Variants in LAMB4 observed in about 807,000 individuals in gnomAD.
LAMB4 encodes laminin subunit beta-4.
LAMB4 carries 196 observed loss-of-function variants against 199.2 expected under a neutral mutation model. The observed-to-expected ratio is 0.98, with a 90% CI of 0.88 to 1.11. The LOEUF is 1.11. LAMB4 is among the 50% of genes least tolerant of loss of function. The pLI, the probability that LAMB4 is intolerant of heterozygous loss-of-function variation, is 0.00. For synonymous variants in LAMB4, 744 were observed against 770.6 expected (o/e 0.97, Z 0.57); for missense variants, 2,080 against 2,171.2 (o/e 0.96, Z 0.83).
intron 2 of LAMB4, among the ~76,000 whole-genome samples, 199 bp downstream of exon 2, chr7:108,122,932 T>C (rs551398672): frequency 2.0e-5 from 3 of 152,336 alleles, no homozygotes; most frequent in South Asian, 2.1e-4. Flanking sequence ...TAAAAAGTGA[T>C]AGAAATAGCT....
In LAMB4 at chr7:108,106,009, C is replaced by T; in HGVS notation, c.678G>A (p.Leu226=). ...TGTGGAGCTTGGTAAAGTTTATCCT[C>T]AGGTTTGTCAATGTCACAAGGTCTA... The part of the protein sequence containing the change: ...YIQDLVTLTN[L]RINFTKLHTL... Residue 226 remains leucine (L), a synonymous_variant, in exon 8 of 34, where the codon CTG becomes CTA. Transcript: ENST00000388781. 2 of 1,613,868 alleles carry T rather than the reference C, an allele frequency of 1.2e-6. No individual in the cohort carries two copies. Among genetic ancestry groups the T allele is most frequent in the African/African-American group, 1.3e-5 (1 of 75,020 alleles).
intron 28 of LAMB4, among the ~76,000 whole-genome samples, chr7:108,046,306 G>A (rs926294437): frequency 2.0e-5 from 3 of 150,774 alleles, no homozygotes; most frequent in African/African-American, 2.4e-5. Context: ...GGCCAGGCTG[G>A]TCTCGAACTC....
chr7:108,068,107 T>TC lies in LAMB4; in HGVS notation c.2354dup (p.Gly786ArgfsTer6). Reference sequence around the variant, plus strand: ...CAAGAGGTTTACACTGGCACTGGCCTCCAAGTCGGCTGCAGCTGGATCCGA... The same window carrying TC: ...CAAGAGGTTTACACTGGCACTGGCCTCCCAAGTCGGCTGCAGCTGGATCCGA... On this transcript the variant is annotated frameshift_variant, in exon 19 of 34. Coordinates refer to ENST00000388781, the MANE Select transcript of LAMB4 (RefSeq NM_007356.3). LOFTEE classifies it high-confidence loss of function. 1 of 1,614,148 alleles carries TC rather than the reference T, an allele frequency of 6.2e-7. No individual in the cohort carries two copies.
intron 4 of LAMB4, among the ~76,000 whole-genome samples, 158 bp from the exon 5 acceptor site, chr7:108,109,402 T>C (rs1407331538): frequency 1.3e-5 from 2 of 152,196 alleles, no homozygotes; most frequent in African/African-American, 4.8e-5. Flanking sequence ...CCCATGCCAC[T>C]CCAAGCCCAG....
chr7:108,031,369 G>GAAAAAAAAAAAAAAAAAAAAAGAAAAA (rs371230419), intron 31 of LAMB4, among the ~76,000 whole-genome samples: 1 of 81,164 alleles, frequency 1.2e-5, no homozygotes, highest in African/African-American at 4.7e-5. Flanking sequence ...AAAAGGAAAA[G>GAAAAAAAAAAAAAAAAAAAAAGAAAAA]AAAAAAAAAA....
chr7:108,015,103 T>C, the LAMB4 span, among the ~76,000 whole-genome samples: 1 of 152,196 alleles, frequency 6.6e-6, no homozygotes, highest in African/African-American at 2.4e-5. Context: ...TTCTTTACAC[T>C]GATCTGTAAA....
chr7:108,054,085 C>T (rs1306265430), intron 25 of LAMB4, among the ~76,000 whole-genome samples: 1 of 152,134 alleles, frequency 6.6e-6, no homozygotes, highest in Non-Finnish European at 1.5e-5. Context: ...TGCAGTGGCA[C>T]AATCATAGTT....
chr7:108,046,106 C>T (rs1185293021), intron 28 of LAMB4, among the ~76,000 whole-genome samples: 5 of 151,768 alleles, frequency 3.3e-5, no homozygotes, highest in Non-Finnish European at 5.9e-5. Flanking sequence ...TCACTGTTGT[C>T]GGTGCAGGCT....
intron 4 of LAMB4, among the ~76,000 whole-genome samples, chr7:108,109,968 ATTTG>A (rs1192308569): frequency 5.3e-5 from 8 of 152,212 alleles, no homozygotes; most frequent in African/African-American, 1.9e-4. Flanking sequence ...AAACAGGTAA[ATTTG>A]TTTGTAATAA....
At chr7:108,062,134 T>C (rs1204549918) in intron 23 of LAMB4, among the ~76,000 whole-genome samples, 3 of 152,158 alleles carry the variant, frequency 2.0e-5, no homozygotes, top group Non-Finnish European at 4.4e-5. Context: ...TATTAACAAA[T>C]AGTTTTTTTC....
chr7:108,017,903 A>G, the LAMB4 span, among the ~76,000 whole-genome samples: 9 of 152,334 alleles, frequency 5.9e-5, no homozygotes, highest in East Asian at 1.5e-3. Flanking sequence ...ATTTATTAGC[A>G]TTTTACAGCT....
intron 9 of LAMB4, 56 bp from the exon 10 acceptor site, chr7:108,103,288 AGT>A: frequency 7.0e-7 from 1 of 1,431,706 alleles, no homozygotes; most frequent in Non-Finnish European, 9.4e-7. Flanking sequence ...TGGCACAGCC[AGT>A]GCCCCCGCAC....
At chr7:108,106,929 G>T (rs2038040182) in intron 6 of LAMB4, among the ~76,000 whole-genome samples, 1 of 152,132 alleles carries the variant, frequency 6.6e-6, no homozygotes, top group Admixed American at 6.5e-5. Context: ...TTGCTTCCCA[G>T]CTGGCATAGA....
chr7:108,084,913 T>A (rs1385035826), intron 14 of LAMB4, among the ~76,000 whole-genome samples: 2 of 151,676 alleles, frequency 1.3e-5, no homozygotes, highest in Non-Finnish European at 2.9e-5. Context: ...CCAGCCAATT[T>A]TTTATTTTTT....
chr7:108,127,794 T>A (rs1305716237), intron 1 of LAMB4, among the ~76,000 whole-genome samples: 1 of 152,188 alleles, frequency 6.6e-6, no homozygotes, highest in Non-Finnish European at 1.5e-5. Context: ...TGATGGCTCC[T>A]CAGTAGTAAG....
In LAMB4 at chr7:108,048,308, G is replaced by A. The variant is rs565565361; in HGVS notation, c.4123-197C>T. Among the ~76,000 whole-genome samples, 9 of 152,158 alleles carry A rather than the reference G, an allele frequency of 5.9e-5. No individual in the cohort carries two copies. The South Asian group carries it at 1.7e-3, about 28-fold the overall frequency. On this transcript the variant is annotated intron_variant, in intron 27 of 33. Coordinates refer to ENST00000388781, the MANE Select transcript of LAMB4 (RefSeq NM_007356.3). The stretch of plus-strand genomic sequence containing the variant: ...GCCTCCCAAGTAGCTGGGATTACAG[G>A]CACCCACTACCACGCCTGGCTAATT...
rs368918537 is a variant in LAMB4, at chr7:108,126,731, A to AT, written c.-33-3535dup. Among the ~76,000 whole-genome samples, 856 of 137,604 alleles carry AT rather than the reference A, an allele frequency of 6.2e-3. 48 individuals are homozygous for AT. The highest frequency in any genetic ancestry group is 0.023 in the African/African-American group (766 of 33,276). The allele number at this position is 137,604 out of a possible 152,430, so 90.3% of individuals were successfully genotyped here. ...AGGCGCCCGCCACCGCGCCCGACTA[A>AT]TTTTTTTTTTGTATTTTTAGTAGAG... On this transcript the variant is annotated intron_variant, in intron 1 of 33. Transcript: ENST00000388781.
chr7:108,050,293 C>T (rs1436421424), intron 26 of LAMB4, among the ~76,000 whole-genome samples: 5 of 152,156 alleles, frequency 3.3e-5, no homozygotes, highest in Non-Finnish European at 7.4e-5. Flanking sequence ...TTTTCTTCCT[C>T]AATCTTCACA....
chr7:108,056,490 A>T (rs886862751), intron 24 of LAMB4, among the ~76,000 whole-genome samples: 57 of 152,198 alleles, frequency 3.7e-4, no homozygotes, highest in African/African-American at 1.4e-3. Flanking sequence ...AAGGAGGGGA[A>T]ATTAAATTCA....
Sources: allele counts gnomAD v4.1 joint callset (sites outside exome capture counted in the v4.1 genomes callset), GRCh38; gene constraint gnomAD v4.1.1; transcripts MANE v1.5; gene names NCBI Gene and HGNC (gene_info 2026-07-23, HGNC 2026-07-21).